Variants in CDKL4 observed in about 807,000 individuals in gnomAD.
CDKL4 encodes the protein cyclin dependent kinase like 4.
In CDKL4, 44 loss-of-function variants were observed where a neutral mutation model predicts 42.0. The ratio of observed to expected loss-of-function variants is 1.05; its 90% CI spans 0.82 to 1.35. The LOEUF (loss-of-function observed/expected upper bound fraction) is 1.35, where lower values mean the gene tolerates loss of function less well. Among genes scored for constraint, CDKL4 ranks in the 40% most tolerant of loss-of-function variants. The probability of loss-of-function intolerance (pLI) is 0.00; values close to 1 mark genes in which losing one functional copy is unlikely to be tolerated. For synonymous variants in CDKL4, 120 were observed against 121.6 expected (o/e 0.99, Z 0.09); for missense variants, 393 against 369.9 (o/e 1.06, Z -0.51).
intron 8 of CDKL4, among the ~76,000 whole-genome samples, chr2:39,182,410 C>T (rs1264803597): frequency 6.6e-6 from 1 of 152,204 alleles, no homozygotes; most frequent in Non-Finnish European, 1.5e-5. Flanking sequence ...TAATGCTGAG[C>T]TCTCTCCATG....
chr2:39,178,424 T>C (rs1030714916), intron 9 of CDKL4: 84 of 741,948 alleles, frequency 1.1e-4, no homozygotes, highest in Non-Finnish European at 4.5e-5. Flanking sequence ...TATTAGGCAA[T>C]GTTCGTCTAC....
chr2:39,245,559 G>A (rs1228946531), upstream of CDKL4, among the ~76,000 whole-genome samples: 1 of 152,226 alleles, frequency 6.6e-6, no homozygotes, highest in Non-Finnish European at 1.5e-5. Flanking sequence ...CGAGCCTGTA[G>A]CATCAGGCTG....
chr2:39,189,173 C>T (rs1045633315), intron 6 of CDKL4, among the ~76,000 whole-genome samples: 4 of 152,216 alleles, frequency 2.6e-5, no homozygotes, highest in Non-Finnish European at 4.4e-5. Context: ...AGCCATGCTG[C>T]CAGGAGAGCC....
chr2:39,208,297 C>T (rs1237247085), intron 4 of CDKL4, among the ~76,000 whole-genome samples: 1 of 151,934 alleles, frequency 6.6e-6, no homozygotes, highest in Non-Finnish European at 1.5e-5. Flanking sequence ...AAGAAACATG[C>T]AAGTCTCTCT....
At chr2:39,179,156 T>G (rs2148278298) in intron 9 of CDKL4, 31 bp downstream of exon 9, 1 of 1,584,028 alleles carries the variant, frequency 6.3e-7, no homozygotes. Flanking sequence ...GGAATTATTT[T>G]TATAGCACTT....
At chr2:39,214,994 T>A (rs75026391) in intron 3 of CDKL4, among the ~76,000 whole-genome samples, 3,907 of 152,294 alleles carry the variant, frequency 0.026, 59 homozygotes, top group African/African-American at 0.031. Flanking sequence ...CTGTAACTTT[T>A]CTGTTGGTAG....
chr2:39,195,205 C>G (rs369238419), intron 5 of CDKL4, among the ~76,000 whole-genome samples: 27 of 152,262 alleles, frequency 1.8e-4, no homozygotes, highest in African/African-American at 6.0e-4. Context: ...ATCCACTCAT[C>G]CTTGATGGAC....
At chr2:39,223,179 CA>C (rs747744317) in intron 3 of CDKL4, among the ~76,000 whole-genome samples, 28 of 152,074 alleles carry the variant, frequency 1.8e-4, no homozygotes, top group Non-Finnish European at 4.0e-4. Context: ...ATGGATATAC[CA>C]AAATGCCTGT....
chr2:39,194,077 T>C (rs1676362085), intron 5 of CDKL4, among the ~76,000 whole-genome samples: 1 of 152,198 alleles, frequency 6.6e-6, no homozygotes, highest in Admixed American at 6.5e-5. Context: ...AAATTAAAGA[T>C]ACAAAGGGCA....
intron 5 of CDKL4, among the ~76,000 whole-genome samples, chr2:39,199,964 C>T (rs1232436806): frequency 6.6e-6 from 1 of 152,060 alleles, no homozygotes; most frequent in Non-Finnish European, 1.5e-5. Flanking sequence ...TTCTATTCAA[C>T]ATAGTACTGG....
At chr2:39,227,951 C>A (rs984732386) in intron 2 of CDKL4, among the ~76,000 whole-genome samples, 7 of 152,112 alleles carry the variant, frequency 4.6e-5, no homozygotes, top group Non-Finnish European at 1.0e-4. Flanking sequence ...AAAGGAAGGT[C>A]GACTGATCAC....
chr2:39,204,681 A>G lies in CDKL4; in HGVS notation c.364-64T>C, dbSNP rs896599973. Reference sequence around the variant, plus strand: ...AAATGACAAAGAATAAACATTAACTACTAGTTTAAATAACAGATACACAGC... The same window carrying G: ...AAATGACAAAGAATAAACATTAACTGCTAGTTTAAATAACAGATACACAGC... On this transcript the variant is annotated intron_variant, in intron 4 of 9. Coordinates refer to ENST00000451199, the Ensembl canonical transcript of CDKL4. The G allele has an allele frequency of 4.6e-6, 4 of 860,314 alleles. No individual in the cohort carries two copies. In the Admixed American group the frequency reaches 8.9e-5, roughly 19 times the overall value. 53.3% of individuals were successfully genotyped at this position (860,314 alleles called of 1,614,324 possible).
In CDKL4 at chr2:39,190,535, A is replaced by G. The variant is rs757875381; in HGVS notation, c.455-33T>C. 5.6e-6 allele frequency: 9 copies of G among 1,593,330 alleles called. No individual in the cohort carries two copies. The East Asian group carries it at 1.8e-4, about 32-fold the overall frequency. On this transcript the variant is annotated intron_variant, in intron 5 of 9. Transcript: ENST00000451199. The stretch of plus-strand genomic sequence containing the variant: ...TGCATCAATCAGATCAGGTAAGTCA[A>G]TTCTCCCAACATGTGAACTGCTCCC...
At chr2:39,180,739 G>A (rs1026949514) in intron 8 of CDKL4, among the ~76,000 whole-genome samples, 3 of 145,326 alleles carry the variant, frequency 2.1e-5, no homozygotes. Context: ...CACCCAGGCT[G>A]GAATGCAGTA....
chr2:39,233,732 A>G (rs985553301), intron 1 of CDKL4, among the ~76,000 whole-genome samples: 1 of 151,706 alleles, frequency 6.6e-6, no homozygotes, highest in Admixed American at 6.6e-5. Context: ...TTTACAAAAA[A>G]AAACACACAA....
intron 3 of CDKL4, among the ~76,000 whole-genome samples, chr2:39,221,493 G>C (rs935196708): frequency 6.6e-5 from 10 of 152,148 alleles, no homozygotes; most frequent in African/African-American, 2.2e-4. Context: ...TTTAGGAAGG[G>C]AGTACAAGTA....
At chr2:39,178,893 TTATATTATG>T in intron 9 of CDKL4, 1 of 1,463,056 alleles carries the variant, frequency 6.8e-7, no homozygotes, top group Non-Finnish European at 9.0e-7. Context: ...TATGAAGTTG[TTATATTATG>T]GGTATACGAT....
chr2:39,192,517 T>A (rs1468001577), intron 5 of CDKL4, among the ~76,000 whole-genome samples: 1 of 145,408 alleles, frequency 6.9e-6, no homozygotes, highest in Non-Finnish European at 1.5e-5. Context: ...CTTGAAACCA[T>A]GCCTGGTTAA....
chr2:39,180,904 G>A (rs1283323806), intron 8 of CDKL4, among the ~76,000 whole-genome samples: 1 of 152,124 alleles, frequency 6.6e-6, no homozygotes, highest in Non-Finnish European at 1.5e-5. Flanking sequence ...GGCCAGGCGG[G>A]TCTCGAACTC....
Sources: allele counts gnomAD v4.1 joint callset (sites outside exome capture counted in the v4.1 genomes callset), GRCh38; gene constraint gnomAD v4.1.1; transcripts MANE v1.5; gene names NCBI Gene and HGNC (gene_info 2026-07-23, HGNC 2026-07-21).